ATXN7L1: variants seen among roughly 807,000 people sequenced by gnomAD.
ATXN7L1 encodes ataxin-7-like protein 1.
A neutral mutation model predicts 70.8 loss-of-function variants in ATXN7L1; 15 were observed. The observed-to-expected ratio is 0.21, with a 90% CI of 0.14 to 0.33. ATXN7L1 has a LOEUF of 0.33. Ranked by LOEUF, ATXN7L1 falls within the 10% of genes least tolerant of loss-of-function variation. The pLI is 1.00. For synonymous variants in ATXN7L1, 440 were observed against 445.1 expected, an observed-to-expected ratio of 0.99 and a Z score of 0.14; for missense variants, 975 against 1,097.1, an observed-to-expected ratio of 0.89 and a Z score of 1.57.
At chr7:105,748,351 G>T (rs1798818319) in intron 3 of ATXN7L1, among the ~76,000 whole-genome samples, 1 of 152,188 alleles carries the variant, frequency 6.6e-6, no homozygotes. Context: ...CTACCTGTGA[G>T]ACTCTGGCTG....
intron 9 of ATXN7L1, among the ~76,000 whole-genome samples, 190 bp from the exon 10 acceptor site, chr7:105,615,006 T>C (rs1395844985): frequency 6.6e-6 from 1 of 151,972 alleles, no homozygotes; most frequent in Non-Finnish European, 1.5e-5. Flanking sequence ...CATTGCAACA[T>C]CCAGCAACCT....
At chr7:105,850,317 A>G (rs899561053) in intron 2 of ATXN7L1, among the ~76,000 whole-genome samples, 1 of 152,182 alleles carries the variant, frequency 6.6e-6, no homozygotes, top group Non-Finnish European at 1.5e-5. Context: ...TACAGCCTTC[A>G]CCAGCACACT....
In ATXN7L1 at chr7:105,706,338, C is replaced by T. The variant is rs112513587; in HGVS notation, c.356-41050G>A. 1.4e-4 allele frequency among the ~76,000 whole-genome samples: 21 copies of T among 152,034 alleles called. No individual in the cohort carries two copies. In the East Asian group the frequency reaches 2.5e-3, roughly 18 times the overall value. ...CCTCTGGAGTAGCTGGGATTACAGG[C>T]GTGCATCACCATGCCCAGCTAATTT... On this transcript the variant is annotated intron_variant, in intron 3 of 11. Transcript: ENST00000419735.
intron 2 of ATXN7L1, among the ~76,000 whole-genome samples, chr7:105,823,378 C>T (rs1293672568): frequency 6.6e-6 from 1 of 152,166 alleles, no homozygotes; most frequent in East Asian, 1.9e-4. Flanking sequence ...TTCAAGTAAG[C>T]ATATGGGTTC....
At chr7:105,647,555 G>A (rs1177001769) in intron 4 of ATXN7L1, among the ~76,000 whole-genome samples, 1 of 152,242 alleles carries the variant, frequency 6.6e-6, no homozygotes, top group East Asian at 1.9e-4. Flanking sequence ...GCTGAGGCAG[G>A]AGAATCGCTT....
At chr7:105,841,579 C>T (rs1813214157) in intron 2 of ATXN7L1, among the ~76,000 whole-genome samples, 1 of 152,162 alleles carries the variant, frequency 6.6e-6, no homozygotes, top group Non-Finnish European at 1.5e-5. Flanking sequence ...TTCCACCTGC[C>T]TATCAGTCAC....
Position 105,643,111 on chromosome 7 carries a change from G to C in ATXN7L1, c.589C>G (p.Pro197Ala), listed in dbSNP as rs915023079. 1 of 1,516,100 alleles carries C rather than the reference G, an allele frequency of 6.6e-7. No homozygotes were observed. Among genetic ancestry groups the C allele is most frequent in the African/African-American group, 1.4e-5 (1 of 71,556 alleles). 93.9% of individuals were successfully genotyped at this position (1,516,100 alleles called of 1,614,324 possible). Residue 197 changes from proline to alanine, a missense_variant, in exon 5 of 12, where the codon CCT becomes GCT. Physicochemically the swap from Pro to Ala is conservative, Grantham distance 27 (BLOSUM62 -1). Around this residue, in one of 5 missense-constraint regions of ATXN7L1, gnomAD observed 192 missense variants for 215.5 expected, o/e 0.89. Transcript: ENST00000419735. ...GGAATTTTCTCTAAACTGACTACAG[G>C]AACTGGAACACTGAAAAATAAATGA... The part of the protein sequence containing the change: ...GSRDKPCVPV[P>A]VVSLEKIPNL...
chr7:105,678,092 C>A, intron 3 of ATXN7L1: 47 of 520,636 alleles, frequency 9.0e-5, no homozygotes, highest in East Asian at 3.1e-4. Context: ...CAGACACATA[C>A]TTTTTTTTTT....
At chr7:105,684,806 C>G (rs1805958603) in intron 3 of ATXN7L1, among the ~76,000 whole-genome samples, 1 of 152,196 alleles carries the variant, frequency 6.6e-6, no homozygotes, top group African/African-American at 2.4e-5. Context: ...GCAACAGTGG[C>G]CTTTGAAAAG....
chr7:105,752,285 C>G (rs1799308001), intron 3 of ATXN7L1, among the ~76,000 whole-genome samples: 1 of 152,204 alleles, frequency 6.6e-6, no homozygotes, highest in South Asian at 2.1e-4. Flanking sequence ...AATGCACACA[C>G]CTGGCCCAGG....
chr7:105,819,781 G>T, intron 2 of ATXN7L1: 8 of 675,210 alleles, frequency 1.2e-5, no homozygotes, highest in South Asian at 9.7e-5. Flanking sequence ...AGGCCGGGCC[G>T]CCCTGGAGCG....
intron 3 of ATXN7L1, among the ~76,000 whole-genome samples, chr7:105,724,324 A>G (rs974260244): frequency 6.6e-6 from 1 of 152,186 alleles, no homozygotes; most frequent in South Asian, 2.1e-4. Flanking sequence ...CTGTAATCCT[A>G]GCACTTTGGG....
At chr7:105,679,305 G>A (rs1489986906) in intron 3 of ATXN7L1, 5 of 259,608 alleles carry the variant, frequency 1.9e-5, no homozygotes, top group Admixed American at 6.5e-5. Context: ...ACAAGGTGTG[G>A]TCAGAGGCAG....
chr7:105,679,219 A>C (rs1345733022), intron 3 of ATXN7L1: 1 of 884,790 alleles, frequency 1.1e-6, no homozygotes, highest in East Asian at 1.2e-4. Context: ...AGGGAAAGGC[A>C]GAAAGAAAAG....
Position 105,720,054 on chromosome 7 carries a change from T to G in ATXN7L1, c.356-54766A>C, listed in dbSNP as rs562692242. On this transcript the variant is annotated intron_variant, in intron 3 of 11. Coordinates refer to ENST00000419735, the MANE Select transcript of ATXN7L1 (RefSeq NM_020725.2). ...AGTGACATCTTAATAAGAAGCCTGG[T>G]GGCATAGTCTTGGATCTGGAGCCAG... 2.7e-3 allele frequency among the ~76,000 whole-genome samples: 414 copies of G among 152,336 alleles called. 21 individuals carry two copies. In the South Asian group the frequency reaches 0.078, roughly 29 times the overall value.
At chr7:105,864,342 T>C (rs6972533) in intron 2 of ATXN7L1, among the ~76,000 whole-genome samples, 46,428 of 150,186 alleles carry the variant, frequency 0.31, 7,649 homozygotes, top group South Asian at 0.51. Context: ...CCTGTAGTCC[T>C]AGCTACCTAG....
At chr7:105,870,546 T>C (rs931238795) in intron 2 of ATXN7L1, among the ~76,000 whole-genome samples, 7 of 152,154 alleles carry the variant, frequency 4.6e-5, no homozygotes, top group Non-Finnish European at 7.4e-5. Flanking sequence ...CATTTAATCA[T>C]CACAACAACC....
chr7:105,794,388 G>A (rs935573573), intron 2 of ATXN7L1, among the ~76,000 whole-genome samples: 4 of 152,198 alleles, frequency 2.6e-5, no homozygotes, highest in African/African-American at 9.7e-5. Context: ...GTGATGCCAT[G>A]TTGGTAGCTT....
intron 2 of ATXN7L1, among the ~76,000 whole-genome samples, chr7:105,852,783 C>T (rs545158543): frequency 3.9e-5 from 6 of 152,002 alleles, no homozygotes; most frequent in Admixed American, 6.5e-5. Context: ...CAGGTATACC[C>T]GCATTCACAG....
Sources: gnomAD v4.1 joint callset for allele counts (sites outside exome capture counted in the v4.1 genomes callset) on GRCh38, gnomAD v4.1.1 for gene constraint, gnomAD v4.1.1 regional missense constraint, MANE v1.5 for transcripts, NCBI Gene and HGNC (gene_info 2026-07-23, HGNC 2026-07-21) for gene names.